The following ZC3H7A variants were observed in gnomAD, a reference collection of about 807,000 sequenced individuals.
ZC3H7A encodes zinc finger CCCH-type containing 7A.
In ZC3H7A, 44 loss-of-function variants were observed where a neutral mutation model predicts 125.5. The ratio of observed to expected loss-of-function variants is 0.35; its 90% CI spans 0.28 to 0.45. The LOEUF is 0.45. Among genes scored for constraint, ZC3H7A ranks in the 20% least tolerant of loss-of-function variants. ZC3H7A has a pLI of 1.00. For synonymous variants in ZC3H7A, 399 were observed against 391.2 expected, an observed-to-expected ratio of 1.02 and a Z score of -0.23; for missense variants, 977 against 1,170.7, an observed-to-expected ratio of 0.83 and a Z score of 2.41.
chr16:11,758,213 T>C (rs1441611383), intron 20 of ZC3H7A, among the ~76,000 whole-genome samples: 1 of 152,202 alleles, frequency 6.6e-6, no homozygotes, highest in East Asian at 1.9e-4. Flanking sequence ...TATATCCAAA[T>C]CTGACCTAAC....
intron 22 of ZC3H7A, among the ~76,000 whole-genome samples, chr16:11,751,902 C>A (rs997575239): frequency 8.8e-5 from 12 of 136,288 alleles, no homozygotes; most frequent in African/African-American, 3.0e-4. Context: ...CACTGAAAAA[C>A]CTTTTTTTTT....
Position 11,769,784 on chromosome 16 carries a change from CTTTTTT to C in ZC3H7A, c.1109-695_1109-690del, listed in dbSNP as rs200241879. ...AATCAGTAAAGTTTTCAATTGCTTTCTTTTTTTTTTTTTTTTTTTTTTTGAGAAAGG... is the reference window on the plus strand; with the variant it reads ...AATCAGTAAAGTTTTCAATTGCTTTCTTTTTTTTTTTTTTTTTGAGAAAGG... On this transcript the variant is annotated intron_variant, in intron 10 of 22. Transcript: ENST00000355758. 2.4e-4 allele frequency among the ~76,000 whole-genome samples: 15 copies of C among 61,618 alleles called. 1 individual carries two copies. The highest frequency in any genetic ancestry group is 5.8e-4 in the African/African-American group (6 of 10,272). The allele number at this position is 61,618 out of a possible 152,430, so 40.4% of individuals were successfully genotyped here. A position where few individuals can be genotyped will look rare whatever the true frequency, so the allele number is the denominator to read the frequency against.
intron 1 of ZC3H7A, among the ~76,000 whole-genome samples, chr16:11,786,820 T>C (rs1248899789): frequency 6.6e-6 from 1 of 152,238 alleles, no homozygotes; most frequent in Non-Finnish European, 1.5e-5. Context: ...ATTAATATTT[T>C]GTGAGATCAC....
rs766322118 is a variant in ZC3H7A, at chr16:11,776,926, A to C, written c.307-17T>G. 4 of 1,549,468 alleles carry C rather than the reference A, an allele frequency of 2.6e-6. No homozygotes were observed. In the African/African-American group the frequency reaches 4.2e-5, roughly 16 times the overall value. ...ATGGAAACCCTGGTGTGTAAGACCA[A>C]AGAATAAAGTCAGCAATCAAACAAT... On this transcript the variant is annotated splice_polypyrimidine_tract_variant and intron_variant, in intron 4 of 22. Coordinates refer to ENST00000355758, the MANE Select transcript of ZC3H7A (RefSeq NM_014153.4).
In ZC3H7A at chr16:11,769,089, G is replaced by C. The variant is rs776796236; in HGVS notation, c.1115C>G (p.Ser372Cys). ...TGTTCCCTCTCTAGAAGTTGAGGTG[G>C]ACAGATCTAAAATAATAAAAAAACT... ...FSMSESKRDL[S>C]TSTSREGTPL... Residue 372 changes from serine to cysteine, a missense_variant, in exon 11 of 23, where the codon TCC (serine) becomes TGC (cysteine). Ser to Cys is a moderately radical substitution (Grantham distance 112). Around this residue, in one of 3 missense-constraint regions of ZC3H7A, gnomAD observed 342 missense variants for 311.3 expected, o/e 1.10. Coordinates refer to ENST00000355758, the MANE Select transcript of ZC3H7A (RefSeq NM_014153.4). The C allele has an allele frequency of 2.5e-6, 4 of 1,606,858 alleles. No homozygotes were observed. Among genetic ancestry groups the C allele is most frequent in the African/African-American group, 2.7e-5 (2 of 74,438 alleles).
At position 11,765,450 on chromosome 16, in the gene ZC3H7A, T is replaced by C. The variant is rs372506554; in HGVS notation, c.1719+39A>G. The C allele has an allele frequency of 3.2e-6, 5 of 1,557,926 alleles. No homozygotes were observed. The African/African-American group carries it at 6.8e-5, about 21-fold the overall frequency. On this transcript the variant is annotated intron_variant, in intron 14 of 22. Coordinates refer to ENST00000355758, the MANE Select transcript of ZC3H7A (RefSeq NM_014153.4). The surrounding 1 kb of genome is among the most constrained non-coding windows in gnomAD (Gnocchi z 4.8). Reference sequence around the variant, plus strand: ...AGGACAATACCACTGGGCTTGCAAATTCAACTTTACAGTGGAAAATAAGTT... The same window carrying C: ...AGGACAATACCACTGGGCTTGCAAACTCAACTTTACAGTGGAAAATAAGTT...
At chr16:11,751,670 A>G (rs1376340906) in intron 22 of ZC3H7A, among the ~76,000 whole-genome samples, 164 bp from the exon 23 acceptor site, 6 of 152,172 alleles carry the variant, frequency 3.9e-5, no homozygotes, top group Admixed American at 3.9e-4. Context: ...TGACATCTAC[A>G]ATAGAAAAAT....
chr16:11,786,880 C>T (rs1002033884), intron 1 of ZC3H7A, among the ~76,000 whole-genome samples: 5 of 152,124 alleles, frequency 3.3e-5, no homozygotes, highest in South Asian at 2.1e-4. Context: ...TTCATCAGTC[C>T]GTCTTACTGT....
chr16:11,785,214 C>T (rs2053238067), intron 1 of ZC3H7A, among the ~76,000 whole-genome samples: 1 of 151,940 alleles, frequency 6.6e-6, no homozygotes, highest in Non-Finnish European at 1.5e-5. Flanking sequence ...TGGCATGCAC[C>T]TGTAGTCCCA....
intron 22 of ZC3H7A, 68 bp downstream of exon 22, chr16:11,752,601 A>G (rs2052571114): frequency 1.9e-6 from 3 of 1,552,866 alleles, no homozygotes; most frequent in Admixed American, 3.8e-5. Context: ...ATTCCGTGTC[A>G]GCTGACATGT....
intron 7 of ZC3H7A, chr16:11,775,449 A>G (rs1013576337): frequency 6.4e-6 from 1 of 156,868 alleles, no homozygotes; most frequent in African/African-American, 2.4e-5. Flanking sequence ...TCAACTCCCA[A>G]TTAAGATCCA....
intron 20 of ZC3H7A, among the ~76,000 whole-genome samples, chr16:11,757,669 C>A (rs2052674973): frequency 6.6e-6 from 1 of 152,012 alleles, no homozygotes; most frequent in Admixed American, 6.6e-5. Context: ...CCAGTGGTGG[C>A]AGGAGTCATT....
chr16:11,788,200 T>C (rs975688078), intron 1 of ZC3H7A, among the ~76,000 whole-genome samples: 4 of 152,122 alleles, frequency 2.6e-5, no homozygotes, highest in Non-Finnish European at 4.4e-5. Context: ...CAGCCTGGGC[T>C]AGGTCTGTCC....
intron 1 of ZC3H7A, chr16:11,782,631 G>A (rs551364116): frequency 2.0e-5 from 5 of 255,644 alleles, no homozygotes; most frequent in Admixed American, 5.8e-5. Flanking sequence ...TTTTTGAGAC[G>A]GAGTCTCGCT....
chr16:11,776,986 A>ACAAATTAATACCCCATCCTATTACCCTC, intron 4 of ZC3H7A, 77 bp from the exon 5 acceptor site: 1 of 1,216,264 alleles, frequency 8.2e-7, no homozygotes, highest in South Asian at 1.7e-5. Context: ...TGTAATAAAA[A>ACAAATTAATACCCCATCCTATTACCCTC]CAAATTAATA....
chr16:11,787,338 C>T (rs2053271737), intron 1 of ZC3H7A, among the ~76,000 whole-genome samples: 1 of 152,198 alleles, frequency 6.6e-6, no homozygotes, highest in Admixed American at 6.5e-5. Context: ...TTAACTGTCA[C>T]TCTACAAAGT....
chr16:11,763,988 G>T (rs1042039970), intron 15 of ZC3H7A, among the ~76,000 whole-genome samples: 4 of 151,134 alleles, frequency 2.6e-5, no homozygotes, highest in African/African-American at 9.7e-5. Flanking sequence ...TAGAGACGGG[G>T]TTTCACCGTG....
chr16:11,793,052 C>T (rs948321299), intron 1 of ZC3H7A, among the ~76,000 whole-genome samples: 1 of 152,026 alleles, frequency 6.6e-6, no homozygotes, highest in African/African-American at 2.4e-5. Context: ...GACATCACTC[C>T]AGGGAAAATC....
At chr16:11,758,958 C>G (rs2141163584) in intron 19 of ZC3H7A, 1 of 173,600 alleles carries the variant, frequency 5.8e-6, no homozygotes, top group Middle Eastern at 2.7e-3. Context: ...GGGTACTGAA[C>G]AGTGCCCAAA....
Sources: gnomAD v4.1 joint callset for allele counts (sites outside exome capture counted in the v4.1 genomes callset) on GRCh38, gnomAD v4.1.1 for gene constraint, gnomAD v4.1.1 regional missense constraint, Gnocchi (gnomAD v3.1) non-coding constraint, MANE v1.5 for transcripts, NCBI Gene and HGNC (gene_info 2026-07-23, HGNC 2026-07-21) for gene names.